Variants in ILRUN observed in about 807,000 individuals in gnomAD.
ILRUN encodes the protein inflammation and lipid regulator with UBA-like and NBR1-like domains.
A neutral mutation model predicts 33.8 loss-of-function variants in ILRUN; 3 were observed. That is an observed-to-expected ratio of 0.09 (90% CI 0.04 to 0.23). The LOEUF is 0.23. Ranked by LOEUF, ILRUN falls within the 10% of genes least tolerant of loss-of-function variation. The probability of loss-of-function intolerance (pLI) is 1.00; values close to 1 mark genes in which losing one functional copy is unlikely to be tolerated. For synonymous variants in ILRUN, 124 were observed against 138.9 expected, an observed-to-expected ratio of 0.89 and a Z score of 0.75; for missense variants, 210 against 375.1, an observed-to-expected ratio of 0.56 and a Z score of 3.64.
At chr6:34,651,073 C>T (rs1762657575) in intron 2 of ILRUN, among the ~76,000 whole-genome samples, 1 of 152,134 alleles carries the variant, frequency 6.6e-6, no homozygotes, top group Non-Finnish European at 1.5e-5. Flanking sequence ...TGTGCACATG[C>T]ATGTTCTTCC....
At position 34,595,485 on chromosome 6, in the gene ILRUN, T is replaced by C. The variant is rs367933940; in HGVS notation, c.862-4885A>G. On this transcript the variant is annotated intron_variant, in intron 4 of 4. Transcript: ENST00000374023. ...CTATGACGACAGAAGCTGTTCCTGA[T>C]ACTTAGTTCTGCCTTGCACATAGTA... Among the ~76,000 whole-genome samples, 54 of 152,222 alleles carry C rather than the reference T, an allele frequency of 3.5e-4. 1 individual carries two copies. The highest frequency in any genetic ancestry group is 5.2e-4 in the Admixed American group (8 of 15,288).
At chr6:34,664,126 C>G (rs1395680335) in intron 1 of ILRUN, among the ~76,000 whole-genome samples, 1 of 152,092 alleles carries the variant, frequency 6.6e-6, no homozygotes, top group Admixed American at 6.6e-5. Flanking sequence ...GTGCAGAGAC[C>G]ATTTGAACTT....
chr6:34,617,515 C>T lies in ILRUN; in HGVS notation c.512-10611G>A, dbSNP rs76002617. 4.2e-3 allele frequency among the ~76,000 whole-genome samples: 633 copies of T among 152,322 alleles called. 4 individuals carry two copies. Among genetic ancestry groups the T allele is most frequent in the African/African-American group, 0.014 (576 of 41,552 alleles). The stretch of plus-strand genomic sequence containing the variant: ...CAGCACAGTAGCCACGCTCCCCTGA[C>T]ACATGTCTGGGCACTCAGATTCTTT... On this transcript the variant is annotated intron_variant, in intron 3 of 4. Transcript: ENST00000374023.
chr6:34,603,278 C>T (rs144022604), intron 4 of ILRUN, among the ~76,000 whole-genome samples: 284 of 152,240 alleles, frequency 1.9e-3, no homozygotes, highest in African/African-American at 6.3e-3. Flanking sequence ...TTTGGGAGGC[C>T]GAGGTGGGCA....
Position 34,646,578 on chromosome 6 carries a change from G to C in ILRUN, c.511+23C>G, listed in dbSNP as rs1292103917. The stretch of plus-strand genomic sequence containing the variant: ...GATGTTACCTTAGTTCCTTTACCCT[G>C]GGCTGCACAAGGACATACTCACCTC... On this transcript the variant is annotated intron_variant, in intron 3 of 4. Coordinates refer to ENST00000374023, the MANE Select transcript of ILRUN (RefSeq NM_024294.4). This position sits in a 1 kb window ranked among gnomAD's most constrained non-coding sequence, Gnocchi z 4.9. 5.0e-6 allele frequency: 8 copies of C among 1,610,442 alleles called. No individual in the cohort carries two copies. Among genetic ancestry groups the C allele is most frequent in the Non-Finnish European group, 6.8e-6 (8 of 1,177,344 alleles).
intron 1 of ILRUN, among the ~76,000 whole-genome samples, chr6:34,690,586 C>CA (rs994232085): frequency 2.0e-5 from 3 of 151,744 alleles, no homozygotes; most frequent in African/African-American, 7.3e-5. Context: ...GGTTTCCCAT[C>CA]AAAAAAAAGC....
chr6:34,618,866 A>G (rs1163985371), intron 3 of ILRUN, among the ~76,000 whole-genome samples: 1 of 152,216 alleles, frequency 6.6e-6, no homozygotes. Context: ...AGGGCATCAG[A>G]AAAGATAGAG....
intron 1 of ILRUN, among the ~76,000 whole-genome samples, chr6:34,683,399 C>CAT (rs1554189799): frequency 9.0e-6 from 1 of 111,154 alleles, no homozygotes; most frequent in Non-Finnish European, 1.7e-5. Flanking sequence ...TATATATGCA[C>CAT]ATATATACAT....
chr6:34,646,878 A>C lies in ILRUN; in HGVS notation c.314-80T>G. 7.5e-7 allele frequency: 1 copy of C among 1,325,152 alleles called. No homozygotes were observed. Among genetic ancestry groups the C allele is most frequent in the African/African-American group, 1.5e-5 (1 of 68,912 alleles). The allele number at this position is 1,325,152 out of a possible 1,614,324, so 82.1% of individuals were successfully genotyped here. A position where few individuals can be genotyped will look rare whatever the true frequency, so the allele number is the denominator to read the frequency against. ...GCAGTTTATTATGAAACTGTAGAAG[A>C]GGCCTCTTTCTTTTTCTCACATACA... On this transcript the variant is annotated intron_variant, in intron 2 of 4. Transcript: ENST00000374023. This position sits in a 1 kb window ranked among gnomAD's most constrained non-coding sequence, Gnocchi z 4.9.
chr6:34,644,030 C>G (rs1220098321), intron 3 of ILRUN, among the ~76,000 whole-genome samples: 1 of 152,076 alleles, frequency 6.6e-6, no homozygotes, highest in Non-Finnish European at 1.5e-5. Context: ...TTCCATTTTT[C>G]CAAGATCTTT....
At chr6:34,684,782 T>C (rs1037814596) in intron 1 of ILRUN, among the ~76,000 whole-genome samples, 2 of 152,090 alleles carry the variant, frequency 1.3e-5, no homozygotes, top group African/African-American at 4.8e-5. Flanking sequence ...AAAGTTTACG[T>C]GGGAATGAGC....
intron 3 of ILRUN, among the ~76,000 whole-genome samples, chr6:34,627,279 C>T (rs1177943242): frequency 6.6e-6 from 1 of 152,090 alleles, no homozygotes; most frequent in Non-Finnish European, 1.5e-5. Flanking sequence ...TCTAGGTGTA[C>T]CACACTTTAT....
rs1343744370 is a variant in ILRUN, at chr6:34,683,432, A to ACG, written c.158+13013_158+13014insCG. 2.0e-4 allele frequency among the ~76,000 whole-genome samples: 9 copies of ACG among 45,926 alleles called. 1 individual carries two copies. Among genetic ancestry groups the ACG allele is most frequent in the South Asian group, 8.6e-4 (2 of 2,332 alleles). 30.1% of individuals were successfully genotyped at this position (45,926 alleles called of 152,430 possible). The stretch of plus-strand genomic sequence containing the variant: ...CATATATATATACATATATATACAT[A>ACG]TATATATACATATATATATACATAT... On this transcript the variant is annotated intron_variant, in intron 1 of 4. Transcript: ENST00000374023.
chr6:34,683,409 T>TATATATATACATATATATAC (rs368700512), intron 1 of ILRUN, among the ~76,000 whole-genome samples: 1 of 99,658 alleles, frequency 1.0e-5, no homozygotes, highest in Admixed American at 1.1e-4. Flanking sequence ...CATATATACA[T>TATATATATACATATATATAC]ATATATATAC....
chr6:34,621,657 G>A (rs1000322227), intron 3 of ILRUN, among the ~76,000 whole-genome samples: 5 of 152,024 alleles, frequency 3.3e-5, no homozygotes, highest in Admixed American at 2.0e-4. Flanking sequence ...TTAGGAGTTC[G>A]AGACCAGCCT....
chr6:34,635,569 G>GGAAGGC (rs1562011652), intron 3 of ILRUN, among the ~76,000 whole-genome samples: 1 of 110,876 alleles, frequency 9.0e-6, no homozygotes, highest in Non-Finnish European at 1.7e-5. Context: ...GGAAGGAAGG[G>GGAAGGC]AGGGAGGGAG....
At chr6:34,636,804 C>A (rs1184608593) in intron 3 of ILRUN, among the ~76,000 whole-genome samples, 1 of 152,136 alleles carries the variant, frequency 6.6e-6, no homozygotes. Flanking sequence ...TTATAAGAAA[C>A]ATGTTCTAGT....
At chr6:34,617,519 T>G (rs775299659) in intron 3 of ILRUN, among the ~76,000 whole-genome samples, 1 of 152,184 alleles carries the variant, frequency 6.6e-6, no homozygotes, top group East Asian at 1.9e-4. Flanking sequence ...CCCTGACACA[T>G]GTCTGGGCAC....
chr6:34,652,012 G>A (rs180691660), intron 2 of ILRUN, among the ~76,000 whole-genome samples: 1 of 152,016 alleles, frequency 6.6e-6, no homozygotes, highest in African/African-American at 2.4e-5. Context: ...GGCTAGTCTT[G>A]AACTCTTGAC....
Sources: gnomAD v4.1 joint callset for allele counts (sites outside exome capture counted in the v4.1 genomes callset) on GRCh38, gnomAD v4.1.1 for gene constraint, Gnocchi (gnomAD v3.1) non-coding constraint, MANE v1.5 for transcripts, NCBI Gene and HGNC (gene_info 2026-07-23, HGNC 2026-07-21) for gene names.